Variants in OSBPL10 observed in about 807,000 individuals in gnomAD.
OSBPL10 encodes oxysterol binding protein like 10.
A neutral mutation model predicts 81.7 loss-of-function variants in OSBPL10; 49 were observed. The ratio of observed to expected loss-of-function variants is 0.60; its 90% CI spans 0.48 to 0.76. The LOEUF is 0.76. Ranked by LOEUF, OSBPL10 falls within the 30% of genes least tolerant of loss-of-function variation. The pLI, the probability that OSBPL10 is intolerant of heterozygous loss-of-function variation, is 0.00. For missense variants in OSBPL10, 923 were observed against 987.8 expected (o/e 0.93, Z 0.88); for synonymous variants, 419 against 383.6 (o/e 1.09, Z -1.08).
At chr3:32,074,254 C>T (rs1173834875) in intron 1 of OSBPL10, among the ~76,000 whole-genome samples, 1 of 152,134 alleles carries the variant, frequency 6.6e-6, no homozygotes, top group African/African-American at 2.4e-5. Flanking sequence ...TGTCACACTT[C>T]TCCGCATCTA....
At chr3:31,888,597 A>G (rs964713002) in intron 1 of OSBPL10, among the ~76,000 whole-genome samples, 17 of 152,200 alleles carry the variant, frequency 1.1e-4, no homozygotes, top group African/African-American at 4.1e-4. Flanking sequence ...TCCAGTATAT[A>G]CAAGAAACTC....
At chr3:31,704,423 C>T (rs1392670203) in intron 6 of OSBPL10, among the ~76,000 whole-genome samples, 1 of 152,174 alleles carries the variant, frequency 6.6e-6, no homozygotes, top group Non-Finnish European at 1.5e-5. Context: ...CATGCCAGCA[C>T]CAGCTGGGGG....
At chr3:31,774,906 C>A (rs1698507701) in intron 4 of OSBPL10, among the ~76,000 whole-genome samples, 1 of 151,458 alleles carries the variant, frequency 6.6e-6, no homozygotes, top group Non-Finnish European at 1.5e-5. Flanking sequence ...GTGGCTCATG[C>A]CTGTAATCCC....
At chr3:31,875,101 A>G (rs1028974883) in intron 3 of OSBPL10, among the ~76,000 whole-genome samples, 1 of 149,850 alleles carries the variant, frequency 6.7e-6, no homozygotes, top group Non-Finnish European at 1.5e-5. Context: ...AAAAAAAAAA[A>G]GGAGAAAACA....
intron 1 of OSBPL10, among the ~76,000 whole-genome samples, chr3:31,888,517 C>T (rs1257951951): frequency 1.3e-5 from 2 of 152,166 alleles, no homozygotes; most frequent in Non-Finnish European, 2.9e-5. Flanking sequence ...AAGGAAACAA[C>T]AGAGTGAAAA....
intron 1 of OSBPL10, among the ~76,000 whole-genome samples, chr3:31,966,362 A>ATGATAATT (rs1361944206): frequency 6.6e-6 from 1 of 151,852 alleles, no homozygotes; most frequent in Admixed American, 6.6e-5. Flanking sequence ...TAGAAAAGAA[A>ATGATAATT]TGATAATTTA....
At chr3:31,952,598 G>C (rs1324808216) in intron 1 of OSBPL10, among the ~76,000 whole-genome samples, 2 of 152,170 alleles carry the variant, frequency 1.3e-5, no homozygotes, top group Admixed American at 6.5e-5. Flanking sequence ...TGAATGAAGG[G>C]ATGATCATAC....
chr3:31,999,968 T>C (rs1250955319), intron 2 of OSBPL10, among the ~76,000 whole-genome samples: 1 of 152,196 alleles, frequency 6.6e-6, no homozygotes, highest in Non-Finnish European at 1.5e-5. Context: ...TAATTCCCTT[T>C]GACTTTAAAT....
At chr3:31,884,467 T>C (rs185587639) in intron 1 of OSBPL10, among the ~76,000 whole-genome samples, 1 of 152,372 alleles carries the variant, frequency 6.6e-6, no homozygotes, top group East Asian at 1.9e-4. Context: ...TCTTTCAGCA[T>C]GGCCTCTGAC....
chr3:31,693,633 T>C (rs1213650306), intron 7 of OSBPL10, among the ~76,000 whole-genome samples: 1 of 152,192 alleles, frequency 6.6e-6, no homozygotes, highest in East Asian at 1.9e-4. Flanking sequence ...AACAGTTTTA[T>C]TGGAACAAAC....
chr3:32,021,275 T>C (rs1322260341), intron 2 of OSBPL10, among the ~76,000 whole-genome samples: 1 of 152,170 alleles, frequency 6.6e-6, no homozygotes, highest in East Asian at 1.9e-4. Flanking sequence ...TACAAAAGTG[T>C]GGGTATTTTC....
intron 4 of OSBPL10, among the ~76,000 whole-genome samples, chr3:31,751,100 G>GT (rs1302390968): frequency 6.6e-6 from 1 of 152,080 alleles, no homozygotes; most frequent in Non-Finnish European, 1.5e-5. Flanking sequence ...GAGGCCAGGA[G>GT]TTTGAGACCA....
In OSBPL10 at chr3:31,989,792, C is replaced by G. The variant is rs763745088; in HGVS notation, n.298+56699G>C. On this transcript the variant is annotated intron_variant and non_coding_transcript_variant, in intron 2 of 3. Transcript: ENST00000479173. ...TTCCAATGTAATGAGAGTGGCAAAGCCTTTAATTGTAGCTCACTCTTAAGG... is the reference window on the plus strand; with the variant it reads ...TTCCAATGTAATGAGAGTGGCAAAGGCTTTAATTGTAGCTCACTCTTAAGG... 5.6e-6 allele frequency: 9 copies of G among 1,613,980 alleles called. No individual in the cohort carries two copies. Among genetic ancestry groups the G allele is most frequent in the Non-Finnish European group, 7.6e-6 (9 of 1,180,018 alleles).
At chr3:32,013,555 A>C (rs1308067848) in intron 2 of OSBPL10, among the ~76,000 whole-genome samples, 1 of 152,354 alleles carries the variant, frequency 6.6e-6, no homozygotes, top group South Asian at 2.1e-4. Context: ...AAGAGTAATC[A>C]CATTCAAAAG....
chr3:31,874,360 A>G (rs1383002385), intron 3 of OSBPL10, among the ~76,000 whole-genome samples: 1 of 152,192 alleles, frequency 6.6e-6, no homozygotes, highest in Non-Finnish European at 1.5e-5. Flanking sequence ...AAAGCCAAAA[A>G]TAAAAATACT....
At chr3:31,812,274 C>A (rs1699700415) in intron 4 of OSBPL10, among the ~76,000 whole-genome samples, 2 of 152,190 alleles carry the variant, frequency 1.3e-5, no homozygotes, top group South Asian at 4.1e-4. Flanking sequence ...TCAGGTGATC[C>A]CCCTGCCTCA....
chr3:31,838,508 CAAAAAAAAAAAAAAA>C (rs60893746), intron 3 of OSBPL10, among the ~76,000 whole-genome samples: 4 of 95,700 alleles, frequency 4.2e-5, no homozygotes, highest in African/African-American at 8.9e-5. Flanking sequence ...AAGACTCTGT[CAAAAAAAAAAAAAAA>C]AAAAAAAAAA....
Position 31,702,501 on chromosome 3 carries a change from G to A in OSBPL10, c.1103C>T (p.Ser368Leu). ...QTSQPEPEPN[S>L]GSELVLSEDE... ...TTCAGACAAAACCAATTCAGAGCCT[G>A]AGTTTGGCTAAAATGAAATAATCAA... The change falls in exon 7 of 12, where the codon TCA becomes TTA. Residue 368 changes from serine (S) to leucine (L), a missense_variant. Coordinates refer to ENST00000396556, the MANE Select transcript of OSBPL10 (RefSeq NM_017784.5). 6.2e-7 allele frequency: 1 copy of A among 1,614,070 alleles called. No individual in the cohort carries two copies. The highest frequency in any genetic ancestry group is 8.5e-7 in the Non-Finnish European group (1 of 1,180,022).
At chr3:31,903,067 G>A (rs1011075581) in intron 1 of OSBPL10, among the ~76,000 whole-genome samples, 1 of 152,136 alleles carries the variant, frequency 6.6e-6, no homozygotes, top group Non-Finnish European at 1.5e-5. Context: ...AAAGACACAG[G>A]ATAAACAAGA....
Sources: allele counts gnomAD v4.1 joint callset (sites outside exome capture counted in the v4.1 genomes callset), GRCh38; gene constraint gnomAD v4.1.1; transcripts MANE v1.5; gene names NCBI Gene and HGNC (gene_info 2026-07-23, HGNC 2026-07-21).